TUBGCP3: variants seen among roughly 807,000 people sequenced by gnomAD.
The protein encoded by TUBGCP3 is tubulin gamma complex component 3.
In TUBGCP3, 50 loss-of-function variants were observed where a neutral mutation model predicts 123.1. The ratio of observed to expected loss-of-function variants is 0.41; its 90% confidence interval spans 0.32 to 0.51. The LOEUF (loss-of-function observed/expected upper bound fraction) is 0.51, where lower values mean the gene tolerates loss of function less well. Among genes scored for constraint, TUBGCP3 ranks in the 20% least tolerant of loss-of-function variants. The pLI, the probability that TUBGCP3 is intolerant of heterozygous loss-of-function variation, is 0.36. For synonymous variants in TUBGCP3, 405 were observed against 413.9 expected (o/e 0.98, Z 0.26); for missense variants, 882 against 1,127.0 (o/e 0.78, Z 3.11).
Position 112,539,807 on chromosome 13 carries a change from G to A in TUBGCP3, c.1335+5892C>T, listed in dbSNP as rs1878356228. Among the ~76,000 whole-genome samples the A allele has an allele frequency of 2.0e-5, 3 of 152,178 alleles. No homozygotes were observed. The South Asian group carries it at 6.2e-4, about 32-fold the overall frequency. ...GCCTATGAGCATTCAGGTGGTCTTG[G>A]GAAAGGATACCTGGGAATGAGGACG... On this transcript the variant is annotated intron_variant, in intron 11 of 21. Transcript: ENST00000261965.
chr13:112,560,788 A>G (rs1196413217), intron 3 of TUBGCP3, among the ~76,000 whole-genome samples: 4 of 152,332 alleles, frequency 2.6e-5, no homozygotes, highest in South Asian at 4.1e-4. Context: ...CAGAAACTCA[A>G]CTAATCCCCA....
chr13:112,504,021 C>A lies in TUBGCP3; in HGVS notation c.2307+11G>T, dbSNP rs202245851. The A allele has an allele frequency of 3.1e-6, 5 of 1,603,594 alleles. No homozygotes were observed. Among genetic ancestry groups the A allele is most frequent in the Non-Finnish European group, 4.3e-6 (5 of 1,173,538 alleles). On this transcript the variant is annotated intron_variant, in intron 19 of 21. Coordinates refer to ENST00000261965, the MANE Select transcript of TUBGCP3 (RefSeq NM_006322.6). ...TTTGGTTTCTTGTTTCTAAGCAGGT[C>A]GGAGTCTTACCCTGGAGTCACTGTC...
At position 112,514,266 on chromosome 13, in the gene TUBGCP3, T is replaced by A. The variant is rs372982777; in HGVS notation, c.2086+2174A>T. Among the ~76,000 whole-genome samples, 10 of 147,274 alleles carry A rather than the reference T, an allele frequency of 6.8e-5. No homozygotes were observed. In the South Asian group the frequency reaches 2.2e-3, roughly 32 times the overall value. On this transcript the variant is annotated intron_variant, in intron 17 of 21. Transcript: ENST00000261965. ...AAGCAGTATACGTAAGGTTTGATAC[T>A]ATCTGAGGTTTCAGGCATCCATGGG...
At position 112,558,217 on chromosome 13, in the gene TUBGCP3, G is replaced by C; in HGVS notation, c.527C>G (p.Ala176Gly). 6.2e-7 allele frequency: 1 copy of C among 1,611,012 alleles called. No homozygotes were observed. Among genetic ancestry groups the C allele is most frequent in the Non-Finnish European group, 8.5e-7 (1 of 1,179,166 alleles). The change falls in exon 5 of 22, where the codon GCG becomes GGG. Residue 176 changes from alanine (A) to glycine (G), a missense_variant. By Grantham distance (60) the Ala-to-Gly change is moderately conservative (BLOSUM62 0). Coordinates refer to ENST00000261965, the MANE Select transcript of TUBGCP3 (RefSeq NM_006322.6). Reference protein sequence around the residue: ...GLCALSGPAPAPQSLLPGQSN... With the variant: ...GLCALSGPAPGPQSLLPGQSN... ...TTACCCTGGGAGGAGAGATTGTGGC[G>C]CAGGCGCGGGGCCACTGAGGGCACA...
At chr13:112,589,262 T>G (rs1882820792), upstream of TUBGCP3, among the ~76,000 whole-genome samples, 1 of 152,238 alleles carries the variant, frequency 6.6e-6, no homozygotes, top group Non-Finnish European at 1.5e-5. Flanking sequence ...ATCTAAATCC[T>G]GCCACCCTCT....
intron 16 of TUBGCP3, 67 bp downstream of exon 16, chr13:112,518,908 T>C (rs1876383291): frequency 6.9e-7 from 1 of 1,449,218 alleles, no homozygotes; most frequent in African/African-American, 1.4e-5. Context: ...AGAAAGCCAA[T>C]TTCAAACAAA....
At chr13:112,556,625 C>T (rs1188987691) in intron 5 of TUBGCP3, among the ~76,000 whole-genome samples, 2 of 152,146 alleles carry the variant, frequency 1.3e-5, no homozygotes, top group African/African-American at 2.4e-5. Flanking sequence ...TCGTTCACTC[C>T]CCATGTACTG....
intron 19 of TUBGCP3, 24 bp from the exon 20 acceptor site, chr13:112,499,209 T>C (rs765361781): frequency 3.2e-6 from 5 of 1,578,550 alleles, no homozygotes; most frequent in Non-Finnish European, 3.4e-6. Flanking sequence ...CAATGTTTTA[T>C]GAATAGAGCC....
rs144325811 is a variant in TUBGCP3, at chr13:112,524,663, G to A, written c.1556-2154C>T. 5.2e-3 allele frequency among the ~76,000 whole-genome samples: 795 copies of A among 152,250 alleles called. 8 individuals are homozygous for A. Among genetic ancestry groups the A allele is most frequent in the African/African-American group, 0.018 (761 of 41,536 alleles). ...AATACATGTAAAATTATGTCTGAATGCTTTAGGGTGAGAGGGCCCATGGCT... is the reference window on the plus strand; with the variant it reads ...AATACATGTAAAATTATGTCTGAATACTTTAGGGTGAGAGGGCCCATGGCT... On this transcript the variant is annotated intron_variant, in intron 13 of 21. Coordinates refer to ENST00000261965, the MANE Select transcript of TUBGCP3 (RefSeq NM_006322.6). This position sits in a 1 kb window ranked among gnomAD's most constrained non-coding sequence, Gnocchi z 4.4.
chr13:112,555,288 C>T lies in TUBGCP3; in HGVS notation c.722-283G>A, dbSNP rs552712648. On this transcript the variant is annotated intron_variant, in intron 6 of 21. Coordinates refer to ENST00000261965, the MANE Select transcript of TUBGCP3 (RefSeq NM_006322.6). ...CGCGGGAGCCACACACAGGGACAGG[C>T]GGAGTGGGGCAGATGGTGGAGACTA... Among the ~76,000 whole-genome samples, 11 of 152,250 alleles carry T rather than the reference C, an allele frequency of 7.2e-5. No homozygotes were observed. In the East Asian group the frequency reaches 9.7e-4, roughly 13 times the overall value.
chr13:112,504,557 T>C (rs1211160499), intron 18 of TUBGCP3, 69 bp downstream of exon 18: 3 of 1,076,782 alleles, frequency 2.8e-6, no homozygotes, highest in African/African-American at 3.2e-5. Flanking sequence ...CATATATATA[T>C]ATATATACCA....
intron 1 of TUBGCP3, among the ~76,000 whole-genome samples, chr13:112,571,616 T>C (rs189305049): frequency 2.6e-4 from 39 of 152,314 alleles, no homozygotes; most frequent in African/African-American, 9.1e-4. Flanking sequence ...GCTTATTCTT[T>C]GTAGCTCTGA....
At chr13:112,591,664 G>T (rs1254439985), upstream of TUBGCP3, among the ~76,000 whole-genome samples, 1 of 152,222 alleles carries the variant, frequency 6.6e-6, no homozygotes, top group Non-Finnish European at 1.5e-5. Context: ...AAATGTGTCT[G>T]TGTTTCTCAG....
chr13:112,550,578 C>G (rs1046890105), intron 8 of TUBGCP3, among the ~76,000 whole-genome samples: 2 of 152,216 alleles, frequency 1.3e-5, no homozygotes, highest in African/African-American at 4.8e-5. Flanking sequence ...AACCTCTAGG[C>G]TCATCTACAA....
At position 112,548,224 on chromosome 13, in the gene TUBGCP3, T is replaced by C. The variant is rs779657477; in HGVS notation, c.967-48A>G. The C allele has an allele frequency of 8.3e-6, 12 of 1,452,252 alleles. No homozygotes were observed. The East Asian group carries it at 1.1e-4, about 14-fold the overall frequency. The allele number at this position is 1,452,252 out of a possible 1,614,324, so 90.0% of individuals were successfully genotyped here. On this transcript the variant is annotated intron_variant, in intron 8 of 21. Coordinates refer to ENST00000261965, the MANE Select transcript of TUBGCP3 (RefSeq NM_006322.6). ...TAAAGCACGACACACTCATTACACA[T>C]TGACTGATTTTAAGTGGAAAGGTAT...
intron 8 of TUBGCP3, among the ~76,000 whole-genome samples, chr13:112,549,512 A>T (rs867829682): frequency 6.6e-5 from 10 of 152,182 alleles, no homozygotes; most frequent in African/African-American, 1.4e-4. Context: ...TTAATTAATT[A>T]AAAAAGATTA....
chr13:112,543,504 TG>T (rs1194589878), intron 11 of TUBGCP3, among the ~76,000 whole-genome samples: 1 of 152,198 alleles, frequency 6.6e-6, no homozygotes, highest in East Asian at 1.9e-4. Context: ...TAAGTATAAA[TG>T]TGCAAAAACA....
intron 17 of TUBGCP3, among the ~76,000 whole-genome samples, chr13:112,514,317 T>A (rs575393428): frequency 6.6e-6 from 1 of 151,612 alleles, no homozygotes; most frequent in Non-Finnish European, 1.5e-5. Flanking sequence ...TTAGAATATA[T>A]CCCCTGTAGA....
rs729213 is a variant in TUBGCP3, at chr13:112,522,212, C to T, written c.1745+108G>A. 6.6e-3 allele frequency: 6,767 copies of T among 1,028,822 alleles called. 322 individuals carry two copies. In the African/African-American group the frequency reaches 0.1, roughly 15 times the overall value. 63.7% of individuals were successfully genotyped at this position (1,028,822 alleles called of 1,614,324 possible). A position where few individuals can be genotyped will look rare whatever the true frequency, so the allele number is the denominator to read the frequency against. On this transcript the variant is annotated intron_variant, in intron 14 of 21. Coordinates refer to ENST00000261965, the MANE Select transcript of TUBGCP3 (RefSeq NM_006322.6). Reference sequence around the variant, plus strand: ...CAGATTTTATTTTAAAAAGTATGCTCGAAGAATTCAACTCATTTTCTTTTA... The same window carrying T: ...CAGATTTTATTTTAAAAAGTATGCTTGAAGAATTCAACTCATTTTCTTTTA...
Sources: allele counts gnomAD v4.1 joint callset (sites outside exome capture counted in the v4.1 genomes callset), GRCh38; gene constraint gnomAD v4.1.1; non-coding constraint Gnocchi (gnomAD v3.1); transcripts MANE v1.5; gene names NCBI Gene and HGNC (gene_info 2026-07-23, HGNC 2026-07-21).